Variants in EXOC1 observed in about 807,000 individuals in gnomAD.
The protein encoded by EXOC1 is exocyst complex component 1, also known as SEC3-like 1.
In EXOC1, 67 loss-of-function variants were observed where a neutral mutation model predicts 107.7. The ratio of observed to expected loss-of-function variants is 0.62; its 90% CI spans 0.51 to 0.76. The LOEUF (loss-of-function observed/expected upper bound fraction) is 0.76. Ranked by LOEUF, EXOC1 falls within the 30% of genes least tolerant of loss-of-function variation. The probability of loss-of-function intolerance (pLI) is 0.00; values close to 1 mark genes in which losing one functional copy is unlikely to be tolerated. For synonymous variants in EXOC1, 348 were observed against 353.5 expected, an observed-to-expected ratio of 0.98 and a Z score of 0.17; for missense variants, 833 against 1,055.7, an observed-to-expected ratio of 0.79 and a Z score of 2.92.
chr4:55,872,847 G>GTT (rs33940201), intron 8 of EXOC1: 425 of 705,180 alleles, frequency 6.0e-4, no homozygotes, highest in South Asian at 8.4e-4. Context: ...CTCTGATTCT[G>GTT]TTTTTTTTTT....
At chr4:55,891,989 G>A (rs1418633461) in intron 13 of EXOC1, among the ~76,000 whole-genome samples, 1 of 152,136 alleles carries the variant, frequency 6.6e-6, no homozygotes, top group Non-Finnish European at 1.5e-5. Context: ...AAGAGAATAA[G>A]ATGAGAGAGT....
In EXOC1 at chr4:55,878,080, G is replaced by A. The variant is rs114210321; in HGVS notation, c.1224+14G>A. The A allele has an allele frequency of 1.4e-3, 2,304 of 1,610,198 alleles. 19 individuals are homozygous for A. In the African/African-American group the frequency reaches 0.027, roughly 19 times the overall value. ...GGACTAACAAAGGTATGGATTTGAC[G>A]TCATTTACTCACTGAGAATAGAGCA... On this transcript the variant is annotated intron_variant, in intron 9 of 18. Transcript: ENST00000381295.
chr4:55,886,279 G>A (rs1008797237), intron 10 of EXOC1, among the ~76,000 whole-genome samples: 3 of 151,752 alleles, frequency 2.0e-5, no homozygotes, highest in South Asian at 2.1e-4. Flanking sequence ...CCAGCCTGGC[G>A]CAGTGGCTCA....
Position 55,883,916 on chromosome 4 carries a change from A to C in EXOC1, c.1318A>C (p.Ser440Arg), listed in dbSNP as rs757051243. 1.9e-6 allele frequency: 3 copies of C among 1,603,264 alleles called. No individual in the cohort carries two copies. Among genetic ancestry groups the C allele is most frequent in the Non-Finnish European group, 2.5e-6 (3 of 1,176,624 alleles). Residue 440 changes from serine (S) to arginine (R), a missense_variant, in exon 10 of 19, where the codon AGC becomes CGC. Physicochemically the swap from Ser to Arg is moderately radical, Grantham distance 110. This residue lies in a region of EXOC1 where 617 missense variants were observed against 701.3 expected (regional missense o/e 0.88). Transcript: ENST00000381295. ...KIKMTGTTKE[S>R]KKFATLPRKE... is the part of the protein sequence containing the mutation. ...CAAGATGACTGGCACAACTAAAGAAAGCAAGAAGTTTGGTAAGCTTAGGCA... is the reference window on the plus strand; with the variant it reads ...CAAGATGACTGGCACAACTAAAGAACGCAAGAAGTTTGGTAAGCTTAGGCA...
intron 1 of EXOC1, among the ~76,000 whole-genome samples, chr4:55,856,881 A>G (rs934375477): frequency 6.6e-5 from 10 of 152,152 alleles, no homozygotes; most frequent in African/African-American, 2.2e-4. Flanking sequence ...TTTTTGGCAT[A>G]TTCACAAGGT....
rs2110321882 is a variant in EXOC1, at chr4:55,864,403, ATG to A, written c.415+19_415+20del. ...TTTTGGAAGGTAAAGTTAAATAAAA[ATG>A]TATATGTAAAATCAATTATATCTTT... On this transcript the variant is annotated intron_variant, in intron 4 of 18. Transcript: ENST00000381295. 6.3e-7 allele frequency: 1 copy of A among 1,579,476 alleles called. No individual in the cohort carries two copies.
At chr4:55,886,338 A>T (rs1265257150) in intron 10 of EXOC1, among the ~76,000 whole-genome samples, 1 of 152,104 alleles carries the variant, frequency 6.6e-6, no homozygotes, top group Non-Finnish European at 1.5e-5. Flanking sequence ...GGATGACTTG[A>T]GCCCTGGAGG....
At chr4:55,858,289 A>G in intron 1 of EXOC1, 25 bp from the exon 2 acceptor site, 1 of 1,564,308 alleles carries the variant, frequency 6.4e-7, no homozygotes. Flanking sequence ...GGGTGAGCTT[A>G]ATATCTATAC....
intron 5 of EXOC1, among the ~76,000 whole-genome samples, chr4:55,870,408 T>C (rs1241022694): frequency 6.6e-6 from 1 of 152,238 alleles, no homozygotes; most frequent in Non-Finnish European, 1.5e-5. Context: ...GGAACCTTAC[T>C]TGTGCAGTCT....
chr4:55,859,221 G>A lies in EXOC1; in HGVS notation c.124+774G>A, dbSNP rs549818595. Reference sequence around the variant, plus strand: ...TTGAACCTATAGTTCAATTTGGAGAGAACTTGCATTTTTATTGTATTGAAT... The same window carrying A: ...TTGAACCTATAGTTCAATTTGGAGAAAACTTGCATTTTTATTGTATTGAAT... On this transcript the variant is annotated intron_variant, in intron 2 of 18. Transcript: ENST00000381295. 4.6e-5 allele frequency among the ~76,000 whole-genome samples: 7 copies of A among 152,212 alleles called. No individual in the cohort carries two copies. The South Asian group carries it at 1.4e-3, about 32-fold the overall frequency.
intron 1 of EXOC1, among the ~76,000 whole-genome samples, chr4:55,855,410 G>T (rs1256857702): frequency 6.6e-6 from 1 of 152,182 alleles, no homozygotes; most frequent in African/African-American, 2.4e-5. Context: ...TTTGCTTATA[G>T]ATGTGAAAGT....
At chr4:55,864,829 C>T (rs1185169053) in intron 4 of EXOC1, among the ~76,000 whole-genome samples, 1 of 151,996 alleles carries the variant, frequency 6.6e-6, no homozygotes, top group African/African-American at 2.4e-5. Flanking sequence ...TTTTAATTTT[C>T]CAATCTTTGC....
At chr4:55,855,073 A>G (rs1720835110) in intron 1 of EXOC1, among the ~76,000 whole-genome samples, 1 of 152,204 alleles carries the variant, frequency 6.6e-6, no homozygotes, top group South Asian at 2.1e-4. Flanking sequence ...CATGGAAAGT[A>G]CCAAAGTGAA....
intron 15 of EXOC1, among the ~76,000 whole-genome samples, chr4:55,896,042 A>C (rs73238393): frequency 0.14 from 21,137 of 152,220 alleles, 1,853 homozygotes; most frequent in East Asian, 0.48. Context: ...CCTGTAACCT[A>C]AAATCAGTAA....
chr4:55,893,844 AT>A lies in EXOC1; in HGVS notation c.1953+67del, dbSNP rs1245513621. 22 of 1,299,856 alleles carry A rather than the reference AT, an allele frequency of 1.7e-5. No individual in the cohort carries two copies. In the Admixed American group the frequency reaches 3.6e-4, roughly 21 times the overall value. The allele number at this position is 1,299,856 out of a possible 1,614,324, so 80.5% of individuals were successfully genotyped here. A position where few individuals can be genotyped will look rare whatever the true frequency, so the allele number is the denominator to read the frequency against. On this transcript the variant is annotated intron_variant, in intron 15 of 18. Transcript: ENST00000381295. ...GTCATTGCAAAATATAGGTAAATGTATTTAAAATCGAGGGATTTCCAGCTTT... is the reference window on the plus strand; with the variant it reads ...GTCATTGCAAAATATAGGTAAATGTATTAAAATCGAGGGATTTCCAGCTTT...
rs772928078 is a variant in EXOC1 at position 55,902,468 on chromosome 4, T to TA, written c.2469dup (p.Gly824ArgfsTer4). On this transcript the variant is annotated frameshift_variant, in exon 18 of 19. Coordinates refer to ENST00000381295, the MANE Select transcript of EXOC1 (RefSeq NM_001024924.2). LOFTEE classifies it high-confidence loss of function. ...ATTAAGGAGTACCCTGGAAAGGAAG[T>TA]AAAAAAAGGTCTAGATAACCTCTAC... 1.3e-6 allele frequency: 2 copies of TA among 1,576,668 alleles called. No homozygotes were observed. The highest frequency in any genetic ancestry group is 1.7e-6 in the Non-Finnish European group (2 of 1,165,718).
Position 55,887,261 on chromosome 4 carries a change from T to C in EXOC1, c.1331-1627T>C, listed in dbSNP as rs75216952. Among the ~76,000 whole-genome samples the C allele has an allele frequency of 8.1e-4, 124 of 152,300 alleles. 5 individuals are homozygous for C. In the East Asian group the frequency reaches 0.02, roughly 25 times the overall value. On this transcript the variant is annotated intron_variant, in intron 10 of 18. Transcript: ENST00000381295. ...TCCAAATCTTTAAAATAGCCAAGATTATTCTATTATTGTTTCTCCGCTAAA... is the reference window on the plus strand; with the variant it reads ...TCCAAATCTTTAAAATAGCCAAGATCATTCTATTATTGTTTCTCCGCTAAA...
chr4:55,901,031 A>G (rs1179014749), intron 17 of EXOC1, among the ~76,000 whole-genome samples: 3 of 152,270 alleles, frequency 2.0e-5, no homozygotes, highest in African/African-American at 7.2e-5. Context: ...TCAGGCCTAA[A>G]GCTTACATGA....
chr4:55,891,743 G>A (rs1421275280), intron 13 of EXOC1, among the ~76,000 whole-genome samples: 1 of 151,756 alleles, frequency 6.6e-6, no homozygotes, highest in South Asian at 2.1e-4. Context: ...TAACATTTTA[G>A]TAGTCATCAA....
Sources: allele counts gnomAD v4.1 joint callset (sites outside exome capture counted in the v4.1 genomes callset), GRCh38; gene constraint gnomAD v4.1.1; regional missense constraint gnomAD v4.1.1; transcripts MANE v1.5; gene names NCBI Gene and HGNC (gene_info 2026-07-23, HGNC 2026-07-21).